CNTN4: variants seen among roughly 807,000 people sequenced by gnomAD.
The protein encoded by CNTN4 is contactin 4, also known as contactin-4.
CNTN4 carries 77 observed loss-of-function variants against 122.5 expected under a neutral mutation model. That is an observed-to-expected ratio of 0.63 (90% CI 0.52 to 0.76). The LOEUF is 0.76. CNTN4 is among the 30% of genes least tolerant of loss of function. The pLI, the probability that CNTN4 is intolerant of heterozygous loss-of-function variation, is 0.00. For missense variants in CNTN4, 1,256 were observed against 1,259.1 expected, an observed-to-expected ratio of 1.00 and a Z score of 0.04; for synonymous variants, 512 against 447.0, an observed-to-expected ratio of 1.15 and a Z score of -1.83.
At chr3:2,223,439 T>C (rs1005811069) in intron 2 of CNTN4, among the ~76,000 whole-genome samples, 2 of 152,198 alleles carry the variant, frequency 1.3e-5, no homozygotes, top group Non-Finnish European at 2.9e-5. Context: ...TTTTAGGAGA[T>C]GTCAAGCTGA....
intron 2 of CNTN4, among the ~76,000 whole-genome samples, chr3:2,241,955 C>A (rs1318020726): frequency 6.6e-6 from 1 of 152,016 alleles, no homozygotes; most frequent in African/African-American, 2.4e-5. Context: ...CATCTCATGT[C>A]ATCATTTATT....
intron 4 of CNTN4, among the ~76,000 whole-genome samples, chr3:2,611,920 GAC>G (rs1189477338): frequency 6.6e-6 from 1 of 152,012 alleles, no homozygotes; most frequent in African/African-American, 2.4e-5. Context: ...CTTATGGTGA[GAC>G]ACACTACTAG....
chr3:2,884,748 A>G (rs764632144), intron 9 of CNTN4, among the ~76,000 whole-genome samples: 7 of 152,228 alleles, frequency 4.6e-5, no homozygotes, highest in Admixed American at 6.5e-5. Flanking sequence ...TCTGTGAAAA[A>G]GAGCAGAATT....
chr3:2,295,780 A>C (rs976997259), intron 2 of CNTN4, among the ~76,000 whole-genome samples: 1 of 152,028 alleles, frequency 6.6e-6, no homozygotes, highest in African/African-American at 2.4e-5. Context: ...CGTATTGCCT[A>C]GGTTTTTTTC....
intron 2 of CNTN4, among the ~76,000 whole-genome samples, chr3:2,159,336 T>C (rs2035858272): frequency 6.6e-6 from 1 of 152,142 alleles, no homozygotes; most frequent in Non-Finnish European, 1.5e-5. Flanking sequence ...TGAACTTTCT[T>C]AATATTTTAA....
rs1247778374 is a variant in CNTN4, at chr3:2,630,704, G to T, written c.55+59146G>T. ...ATCCCTATCTGTTTATTAAGGGAGT[G>T]TGTGTGTGTGTGTGTGTGTGTGTGT... On this transcript the variant is annotated intron_variant, in intron 4 of 24. Coordinates refer to ENST00000418658, the MANE Select transcript of CNTN4 (RefSeq NM_175607.3). 3.5e-5 allele frequency among the ~76,000 whole-genome samples: 3 copies of T among 85,304 alleles called. No individual in the cohort carries two copies. In the Admixed American group the frequency reaches 3.8e-4, roughly 11 times the overall value. 56.0% of individuals were successfully genotyped at this position (85,304 alleles called of 152,430 possible). A position where few individuals can be genotyped will look rare whatever the true frequency, so the allele number is the denominator to read the frequency against.
At chr3:2,153,463 A>G (rs1462573311) in intron 2 of CNTN4, among the ~76,000 whole-genome samples, 1 of 152,230 alleles carries the variant, frequency 6.6e-6, no homozygotes, top group Non-Finnish European at 1.5e-5. Context: ...TGACTTTGAT[A>G]AATACAGTTT....
intron 2 of CNTN4, among the ~76,000 whole-genome samples, chr3:2,283,150 A>G (rs571646926): frequency 6.6e-6 from 1 of 152,138 alleles, no homozygotes; most frequent in Non-Finnish European, 1.5e-5. Context: ...CATTACGTGA[A>G]TTTTATCTCT....
chr3:2,895,086 G>A (rs576403675), intron 10 of CNTN4, among the ~76,000 whole-genome samples: 4 of 152,126 alleles, frequency 2.6e-5, no homozygotes, highest in South Asian at 2.1e-4. Flanking sequence ...CGTGATTCTC[G>A]CGCCTCAGCC....
At chr3:2,864,918 A>G (rs1017862070) in intron 7 of CNTN4, among the ~76,000 whole-genome samples, 13 of 151,996 alleles carry the variant, frequency 8.6e-5, no homozygotes, top group Non-Finnish European at 1.8e-4. Flanking sequence ...CTCATTTTGC[A>G]TAGGAGAAAG....
chr3:2,180,301 A>G (rs1408558856), intron 2 of CNTN4, among the ~76,000 whole-genome samples: 1 of 152,026 alleles, frequency 6.6e-6, no homozygotes, highest in African/African-American at 2.4e-5. Flanking sequence ...ATTTACATTT[A>G]TTATCAAATT....
In CNTN4 at chr3:2,354,972, T is replaced by C. The variant is rs140939146; in HGVS notation, c.-89+15739T>C. Among the ~76,000 whole-genome samples, 796 of 152,010 alleles carry C rather than the reference T, an allele frequency of 5.2e-3. 9 individuals carry two copies. Among genetic ancestry groups the C allele is most frequent in the African/African-American group, 0.018 (761 of 41,456 alleles). ...CATTGTGTCAGATTACATCCAGGAGTTGGGAGAATAAGTGAGTCATAGCCT... is the reference window on the plus strand; with the variant it reads ...CATTGTGTCAGATTACATCCAGGAGCTGGGAGAATAAGTGAGTCATAGCCT... On this transcript the variant is annotated intron_variant, in intron 3 of 24. Coordinates refer to ENST00000418658, the MANE Select transcript of CNTN4 (RefSeq NM_175607.3).
At chr3:2,562,109 C>T (rs1437238156) in intron 3 of CNTN4, among the ~76,000 whole-genome samples, 3 of 152,154 alleles carry the variant, frequency 2.0e-5, no homozygotes, top group Admixed American at 6.5e-5. Context: ...GATGAAAATA[C>T]CACATATTTT....
chr3:3,007,330 A>T (rs575197128), intron 14 of CNTN4, among the ~76,000 whole-genome samples: 3 of 152,192 alleles, frequency 2.0e-5, no homozygotes, highest in Non-Finnish European at 4.4e-5. Context: ...AGTAACTTGT[A>T]CTTTATCAAG....
intron 3 of CNTN4, among the ~76,000 whole-genome samples, chr3:2,379,322 A>C (rs2045934752): frequency 6.6e-6 from 1 of 151,970 alleles, no homozygotes; most frequent in South Asian, 2.1e-4. Context: ...AATATGATTA[A>C]AATTCTTCAA....
intron 3 of CNTN4, among the ~76,000 whole-genome samples, chr3:2,431,552 A>T (rs1356405101): frequency 6.6e-6 from 1 of 152,132 alleles, no homozygotes; most frequent in Non-Finnish European, 1.5e-5. Context: ...CTTTTTTTAA[A>T]GAAGAAATTC....
chr3:2,866,462 G>A, intron 7 of CNTN4: 1 of 1,255,540 alleles, frequency 8.0e-7, no homozygotes. Flanking sequence ...CCTGACACCT[G>A]ATTAGCAAAC....
At chr3:2,582,117 G>A (rs996912015) in intron 4 of CNTN4, among the ~76,000 whole-genome samples, 4 of 152,136 alleles carry the variant, frequency 2.6e-5, no homozygotes, top group Non-Finnish European at 5.9e-5. Flanking sequence ...TCACTTAACT[G>A]TACATTTTAA....
intron 3 of CNTN4, among the ~76,000 whole-genome samples, chr3:2,526,034 A>G (rs370367900): frequency 3.3e-5 from 5 of 152,216 alleles, no homozygotes; most frequent in East Asian, 1.9e-4. Flanking sequence ...GCACAAGACA[A>G]AACAGAATCA....
Sources: allele counts gnomAD v4.1 joint callset (sites outside exome capture counted in the v4.1 genomes callset), GRCh38; gene constraint gnomAD v4.1.1; transcripts MANE v1.5; gene names NCBI Gene and HGNC (gene_info 2026-07-23, HGNC 2026-07-21).